ELAPOR2: variants seen among roughly 807,000 people sequenced by gnomAD.
The protein encoded by ELAPOR2 is endosome/lysosome-associated apoptosis and autophagy regulator family member 2.
A neutral mutation model predicts 120.7 loss-of-function variants in ELAPOR2; 89 were observed. The ratio of observed to expected loss-of-function variants is 0.74; its 90% CI spans 0.62 to 0.88. ELAPOR2 has a LOEUF of 0.88. ELAPOR2 is among the 40% of genes least tolerant of loss of function. ELAPOR2 has a pLI of 0.00. For missense variants in ELAPOR2, 1,134 were observed against 1,251.6 expected, an observed-to-expected ratio of 0.91 and a Z score of 1.42; for synonymous variants, 444 against 444.9, an observed-to-expected ratio of 1.00 and a Z score of 0.03.
At chr7:86,970,439 C>A (rs1197647644) in intron 1 of ELAPOR2, among the ~76,000 whole-genome samples, 1 of 152,092 alleles carries the variant, frequency 6.6e-6, no homozygotes, top group Non-Finnish European at 1.5e-5. Flanking sequence ...GATGAGACCG[C>A]AAATCCTCTG....
chr7:86,904,911 T>C (rs1316472383), intron 18 of ELAPOR2, among the ~76,000 whole-genome samples: 5 of 152,254 alleles, frequency 3.3e-5, no homozygotes, highest in Admixed American at 1.3e-4. Context: ...CCTTCTGCAC[T>C]ACCAAAGTCT....
At chr7:87,004,034 TA>T (rs1793397146) in intron 1 of ELAPOR2, among the ~76,000 whole-genome samples, 1 of 152,146 alleles carries the variant, frequency 6.6e-6, no homozygotes, top group African/African-American at 2.4e-5. Context: ...CAAAGCCATC[TA>T]AAAAGTCAAG....
At chr7:87,001,405 C>T (rs1482526652) in intron 1 of ELAPOR2, among the ~76,000 whole-genome samples, 2 of 152,128 alleles carry the variant, frequency 1.3e-5, no homozygotes, top group East Asian at 1.9e-4. Flanking sequence ...AAGCTCCAGC[C>T]TACCTGCACT....
chr7:86,997,819 T>A (rs547944167), intron 1 of ELAPOR2, among the ~76,000 whole-genome samples: 9 of 152,204 alleles, frequency 5.9e-5, no homozygotes, highest in Non-Finnish European at 1.2e-4. Flanking sequence ...TCTAGTCAGT[T>A]GTATCACAAA....
At chr7:87,012,840 TTC>T (rs754175197) in intron 1 of ELAPOR2, among the ~76,000 whole-genome samples, 10 of 152,206 alleles carry the variant, frequency 6.6e-5, no homozygotes, top group Non-Finnish European at 1.5e-4. Flanking sequence ...GAGAAGAAAG[TTC>T]ACACAGCCTG....
At chr7:86,881,555 A>T (rs1193291352) in intron 21 of ELAPOR2, among the ~76,000 whole-genome samples, 1 of 151,936 alleles carries the variant, frequency 6.6e-6, no homozygotes, top group Non-Finnish European at 1.5e-5. Flanking sequence ...ACGGGGTTTC[A>T]CTATGTTGGC....
chr7:86,915,722 G>A lies in ELAPOR2; in HGVS notation c.1594-862C>T, dbSNP rs545949297. Among the ~76,000 whole-genome samples, 4 of 149,990 alleles carry A rather than the reference G, an allele frequency of 2.7e-5. No homozygotes were observed. In the East Asian group the frequency reaches 7.8e-4, roughly 29 times the overall value. On this transcript the variant is annotated intron_variant, in intron 12 of 21. Transcript: ENST00000450689. ...CGGCAATAAGGTTTCATGAGCTCAA[G>A]ACAAGTCTCTTTGTTTTTCATCCTT...
rs1467544583 is a variant in ELAPOR2 at position 87,045,647 on chromosome 7, T to C, written c.189+13678A>G. On this transcript the variant is annotated intron_variant, in intron 1 of 21. Transcript: ENST00000450689. ...GAGGGAGGGATAGCATTGGGAGATA[T>C]ACCTAATGCTAGATGACGAGTTAGT... 2.6e-5 allele frequency among the ~76,000 whole-genome samples: 4 copies of C among 151,570 alleles called. No homozygotes were observed. The South Asian group carries it at 6.2e-4, about 24-fold the overall frequency.
chr7:86,933,204 A>G (rs1790408507), intron 8 of ELAPOR2, among the ~76,000 whole-genome samples: 1 of 151,894 alleles, frequency 6.6e-6, no homozygotes, highest in Non-Finnish European at 1.5e-5. Context: ...ATGATTCTTC[A>G]ATTAGTCATA....
chr7:86,881,488 C>T (rs113837433), intron 21 of ELAPOR2, among the ~76,000 whole-genome samples: 14,147 of 151,730 alleles, frequency 0.093, 2,247 homozygotes, highest in African/African-American at 0.33. Context: ...TCCTGAGTAG[C>T]TGGGATTATA....
At chr7:86,937,751 T>G (rs564551380) in intron 8 of ELAPOR2, among the ~76,000 whole-genome samples, 1 of 152,082 alleles carries the variant, frequency 6.6e-6, no homozygotes, top group Non-Finnish European at 1.5e-5. Context: ...ATGTTATTAC[T>G]TCTGGAAAAA....
At chr7:87,026,376 T>C (rs1584011513) in intron 1 of ELAPOR2, among the ~76,000 whole-genome samples, 1 of 152,052 alleles carries the variant, frequency 6.6e-6, no homozygotes, top group African/African-American at 2.4e-5. Flanking sequence ...ATCTAGTCTC[T>C]TGTTGAATCA....
chr7:86,988,933 A>G (rs1792848810), intron 1 of ELAPOR2, among the ~76,000 whole-genome samples: 1 of 152,242 alleles, frequency 6.6e-6, no homozygotes, highest in African/African-American at 2.4e-5. Context: ...TTTAAAAAAG[A>G]CAAAGTGAAA....
At chr7:87,013,857 T>C (rs1244909727) in intron 1 of ELAPOR2, among the ~76,000 whole-genome samples, 2 of 152,166 alleles carry the variant, frequency 1.3e-5, no homozygotes, top group African/African-American at 2.4e-5. Context: ...AAATCAATAC[T>C]CAGTAATTTC....
intron 18 of ELAPOR2, among the ~76,000 whole-genome samples, chr7:86,904,376 A>C (rs1029562807): frequency 2.6e-5 from 4 of 152,206 alleles, no homozygotes; most frequent in Non-Finnish European, 4.4e-5. Flanking sequence ...GAAGCCTTTT[A>C]GGCAAAGGCT....
At chr7:87,052,868 C>T (rs561803278) in intron 1 of ELAPOR2, among the ~76,000 whole-genome samples, 12 of 152,206 alleles carry the variant, frequency 7.9e-5, no homozygotes, top group African/African-American at 2.6e-4. Flanking sequence ...ACAATCACAG[C>T]TCCCTGCAGC....
At chr7:87,018,315 A>C (rs1024316607) in intron 1 of ELAPOR2, among the ~76,000 whole-genome samples, 2 of 152,194 alleles carry the variant, frequency 1.3e-5, no homozygotes, top group Non-Finnish European at 2.9e-5. Context: ...CTGTGATTAC[A>C]GGCGCGAGCC....
rs1057156852 is a variant in ELAPOR2, at chr7:86,972,603, GT to G, written c.190-7580del. 4.0e-3 allele frequency among the ~76,000 whole-genome samples: 554 copies of G among 139,904 alleles called. 5 individuals carry two copies. The highest frequency in any genetic ancestry group is 0.011 in the African/African-American group (423 of 38,458). 91.8% of individuals were successfully genotyped at this position (139,904 alleles called of 152,430 possible). A position where few individuals can be genotyped will look rare whatever the true frequency, so the allele number is the denominator to read the frequency against. On this transcript the variant is annotated intron_variant, in intron 1 of 21. Coordinates refer to ENST00000450689, the MANE Select transcript of ELAPOR2 (RefSeq NM_001142749.3). ...AAGTAAGAAAAAAAAAAAGTTTTTT[GT>G]TTTTTTTTTTTTAAATGGAACTATG... is the stretch of plus-strand genomic sequence containing the variant.
At chr7:86,886,354 C>T (rs773636452) in intron 21 of ELAPOR2, among the ~76,000 whole-genome samples, 1 of 152,036 alleles carries the variant, frequency 6.6e-6, no homozygotes, top group African/African-American at 2.4e-5. Context: ...AACTAACAGG[C>T]TATGTTAAAA....
Sources: gnomAD v4.1 joint callset for allele counts (sites outside exome capture counted in the v4.1 genomes callset) on GRCh38, gnomAD v4.1.1 for gene constraint, MANE v1.5 for transcripts, NCBI Gene and HGNC (gene_info 2026-07-23, HGNC 2026-07-21) for gene names.